The following RPTOR variants were observed in gnomAD, a reference collection of about 807,000 sequenced individuals.
RPTOR encodes the protein regulatory-associated protein of mTOR.
Under a neutral mutation model 169.9 loss-of-function variants are expected in RPTOR, and 21 were observed. That is an observed-to-expected ratio of 0.12 (90% CI 0.09 to 0.18). RPTOR has a LOEUF of 0.18. Among genes scored for constraint, RPTOR ranks in the 10% least tolerant of loss-of-function variants. The pLI is 1.00. For synonymous variants in RPTOR, 732 were observed against 753.2 expected, an observed-to-expected ratio of 0.97 and a Z score of 0.46; for missense variants, 1,133 against 1,855.9, an observed-to-expected ratio of 0.61 and a Z score of 7.16.
At position 80,807,465 on chromosome 17, in the gene RPTOR, G is replaced by A. The variant is rs889475620; in HGVS notation, c.891-14736G>A. Among the ~76,000 whole-genome samples the A allele has an allele frequency of 1.3e-4, 20 of 151,938 alleles. 1 individual carries two copies. The highest frequency in any genetic ancestry group is 4.6e-4 in the Admixed American group (7 of 15,252). On this transcript the variant is annotated intron_variant, in intron 7 of 33. Coordinates refer to ENST00000306801, the MANE Select transcript of RPTOR (RefSeq NM_020761.3). ...TCCCAGGTTCAAGTGATTCTCCTGC[G>A]TCAGACTTCCAAGTAGCTGGGATTA... is the stretch of plus-strand genomic sequence containing the variant.
At chr17:80,693,704 G>T (rs1466868642) in intron 3 of RPTOR, among the ~76,000 whole-genome samples, 1 of 152,230 alleles carries the variant, frequency 6.6e-6, no homozygotes, top group Non-Finnish European at 1.5e-5. Flanking sequence ...GCCAGCCCTG[G>T]GTGCTGTAGG....
intron 10 of RPTOR, among the ~76,000 whole-genome samples, chr17:80,841,329 G>C: frequency 1.0e-5 from 1 of 99,282 alleles, no homozygotes; most frequent in East Asian, 3.6e-4. Context: ...CCGCACGGCA[G>C]CTCATTCACC....
intron 21 of RPTOR, among the ~76,000 whole-genome samples, chr17:80,912,666 A>C (rs2068626404): frequency 6.6e-6 from 1 of 152,002 alleles, no homozygotes; most frequent in South Asian, 2.1e-4. Context: ...GCCCTTTTGG[A>C]TTGTGTGTGA....
At chr17:80,645,622 A>G (rs750574729) in intron 3 of RPTOR, among the ~76,000 whole-genome samples, 1 of 152,184 alleles carries the variant, frequency 6.6e-6, no homozygotes, top group Non-Finnish European at 1.5e-5. Context: ...CGCTTGGTAG[A>G]TATCAGCTAG....
intron 1 of RPTOR, among the ~76,000 whole-genome samples, chr17:80,605,732 CTGACACA>C (rs981017677): frequency 2.0e-5 from 3 of 152,184 alleles, no homozygotes; most frequent in African/African-American, 7.2e-5. Flanking sequence ...AGCACAGTGC[CTGACACA>C]TGGGAGGCAG....
At chr17:80,885,544 T>C (rs2068236256) in intron 17 of RPTOR, among the ~76,000 whole-genome samples, 2 of 152,098 alleles carry the variant, frequency 1.3e-5, no homozygotes, top group Non-Finnish European at 1.5e-5. Flanking sequence ...TTTTGTTTTG[T>C]TTTGTTTTTG....
At chr17:80,838,460 G>A (rs2067590084) in intron 10 of RPTOR, among the ~76,000 whole-genome samples, 1 of 152,218 alleles carries the variant, frequency 6.6e-6, no homozygotes, top group Non-Finnish European at 1.5e-5. Flanking sequence ...GGCGGAACCT[G>A]GGTTTAGTCG....
intron 1 of RPTOR, among the ~76,000 whole-genome samples, chr17:80,559,203 A>C (rs2084448047): frequency 6.6e-6 from 1 of 152,134 alleles, no homozygotes; most frequent in Non-Finnish European, 1.5e-5. Flanking sequence ...GTCTTTCCTC[A>C]TATTCACACT....
At chr17:80,940,776 G>C (rs1249675255) in intron 25 of RPTOR, among the ~76,000 whole-genome samples, 175 bp downstream of exon 25, 1 of 152,232 alleles carries the variant, frequency 6.6e-6, no homozygotes, top group Non-Finnish European at 1.5e-5. Flanking sequence ...ATCAAGGCTG[G>C]TGGAGATGAA....
At chr17:80,772,343 C>T (rs2066851934) in intron 6 of RPTOR, among the ~76,000 whole-genome samples, 1 of 152,198 alleles carries the variant, frequency 6.6e-6, no homozygotes, top group Non-Finnish European at 1.5e-5. Context: ...GCCCTTAGAC[C>T]TCCCTGTCAC....
chr17:80,947,403 C>A lies in RPTOR; in HGVS notation c.3265+52C>A. 1 of 1,483,068 alleles carries A rather than the reference C, an allele frequency of 6.7e-7. No individual in the cohort carries two copies. The highest frequency in any genetic ancestry group is 1.4e-5 in the South Asian group (1 of 71,270). 91.9% of individuals were successfully genotyped at this position (1,483,068 alleles called of 1,614,324 possible). On this transcript the variant is annotated intron_variant, in intron 27 of 33. Coordinates refer to ENST00000306801, the MANE Select transcript of RPTOR (RefSeq NM_020761.3). This position sits in a 1 kb window ranked among gnomAD's most constrained non-coding sequence, Gnocchi z 4.4. ...TGGAAGCCAGGGTCTGGAGGAGTGG[C>A]GGGGAGGGTGTGTGATCCTGAGATG...
chr17:80,780,545 AG>A (rs1475555416), intron 6 of RPTOR, among the ~76,000 whole-genome samples: 1 of 152,190 alleles, frequency 6.6e-6, no homozygotes, highest in Non-Finnish European at 1.5e-5. Flanking sequence ...GGATTAGTGG[AG>A]GACATCTCGG....
intron 24 of RPTOR, among the ~76,000 whole-genome samples, chr17:80,939,936 T>A (rs994311675): frequency 5.3e-5 from 8 of 152,054 alleles, no homozygotes; most frequent in African/African-American, 1.9e-4. Flanking sequence ...CACTCAAGGG[T>A]CTCAGAGCCC....
At chr17:80,963,083 G>T in intron 33 of RPTOR, 26 bp downstream of exon 33, 1 of 1,412,828 alleles carries the variant, frequency 7.1e-7, no homozygotes, top group Non-Finnish European at 9.7e-7. Context: ...GGTGGGGGTC[G>T]GGGGTCGGGG....
intron 7 of RPTOR, among the ~76,000 whole-genome samples, chr17:80,821,501 A>G (rs1352029876): frequency 6.6e-6 from 1 of 152,088 alleles, no homozygotes; most frequent in African/African-American, 2.4e-5. Flanking sequence ...TGCAAAAGTC[A>G]TGGTTCTGTC....
At chr17:80,657,988 C>T (rs909892685) in intron 3 of RPTOR, among the ~76,000 whole-genome samples, 9 of 152,016 alleles carry the variant, frequency 5.9e-5, no homozygotes, top group African/African-American at 2.2e-4. Flanking sequence ...CGTGGTAACC[C>T]TAATAAATTA....
intron 4 of RPTOR, among the ~76,000 whole-genome samples, chr17:80,712,735 A>T (rs1186208330): frequency 6.6e-6 from 1 of 152,202 alleles, no homozygotes; most frequent in Non-Finnish European, 1.5e-5. Context: ...CTTTATAAGG[A>T]ACTGTGAAGC....
intron 24 of RPTOR, among the ~76,000 whole-genome samples, chr17:80,933,746 G>A (rs2068924538): frequency 6.6e-6 from 1 of 152,188 alleles, no homozygotes; most frequent in Non-Finnish European, 1.5e-5. Flanking sequence ...CCATGGCATT[G>A]GCTTAAGAGC....
chr17:80,921,649 G>C (rs1023678071), intron 21 of RPTOR, among the ~76,000 whole-genome samples: 2 of 152,228 alleles, frequency 1.3e-5, no homozygotes, highest in Non-Finnish European at 2.9e-5. Flanking sequence ...ATCTTTTTCT[G>C]TGGTAGAATT....
Sources: gnomAD v4.1 joint callset for allele counts (sites outside exome capture counted in the v4.1 genomes callset) on GRCh38, gnomAD v4.1.1 for gene constraint, Gnocchi (gnomAD v3.1) non-coding constraint, MANE v1.5 for transcripts, NCBI Gene and HGNC (gene_info 2026-07-23, HGNC 2026-07-21) for gene names.